RFC3: variants seen among roughly 807,000 people sequenced by gnomAD.
The protein encoded by RFC3 is A1 38 kDa subunit.
RFC3 carries 41 observed loss-of-function variants against 45.1 expected under a neutral mutation model. The ratio of observed to expected loss-of-function variants is 0.91; its 90% confidence interval spans 0.71 to 1.18. The LOEUF is 1.18. RFC3 is among the 50% of genes most tolerant of loss of function. The pLI, the probability that RFC3 is intolerant of heterozygous loss-of-function variation, is 0.00. For synonymous variants in RFC3, 149 were observed against 144.0 expected (o/e 1.03, Z -0.25); for missense variants, 423 against 428.1 (o/e 0.99, Z 0.10).
In RFC3 at chr13:33,925,712, T is replaced by C. The variant is rs553508698; in HGVS notation, c.880-40375T>C. Among the ~76,000 whole-genome samples the C allele has an allele frequency of 7.6e-5, 11 of 143,902 alleles. No individual in the cohort carries two copies. In the Middle Eastern group the frequency reaches 0.018, roughly 230 times the overall value. The allele number at this position is 143,902 out of a possible 152,430, so 94.4% of individuals were successfully genotyped here. On this transcript the variant is annotated intron_variant, in intron 8 of 8. Transcript: ENST00000434425. ...ATATACACACACACACACACACATATACATATATATTTATGTATGTCAGTA... is the reference window on the plus strand; with the variant it reads ...ATATACACACACACACACACACATACACATATATATTTATGTATGTCAGTA...
At chr13:33,861,539 G>C (rs2137537002) in intron 8 of RFC3, among the ~76,000 whole-genome samples, 1 of 152,150 alleles carries the variant, frequency 6.6e-6, no homozygotes, top group East Asian at 1.9e-4. Context: ...CAGCTATTCA[G>C]GAGGCTGAGG....
At chr13:33,851,253 A>G (rs994089139) in intron 8 of RFC3, among the ~76,000 whole-genome samples, 1 of 152,176 alleles carries the variant, frequency 6.6e-6, no homozygotes, top group Non-Finnish European at 1.5e-5. Flanking sequence ...CTTTACAAAG[A>G]TTGGATTCCT....
chr13:33,876,141 C>T (rs1165714334), intron 8 of RFC3, among the ~76,000 whole-genome samples: 2 of 152,154 alleles, frequency 1.3e-5, no homozygotes, highest in African/African-American at 2.4e-5. Context: ...AGTTCCCACT[C>T]CTACCACCAT....
chr13:33,952,421 G>A (rs373592473), intron 8 of RFC3, among the ~76,000 whole-genome samples: 1 of 115,056 alleles, frequency 8.7e-6, no homozygotes, highest in Non-Finnish European at 1.8e-5. Flanking sequence ...TCTGAAATAG[G>A]AATTTTTGGA....
intron 8 of RFC3, among the ~76,000 whole-genome samples, chr13:33,895,096 A>G (rs1041123209): frequency 6.6e-6 from 1 of 152,180 alleles, no homozygotes; most frequent in African/African-American, 2.4e-5. Context: ...TGGCCTAGGC[A>G]AATGATTCAT....
chr13:33,883,901 T>C (rs1477012296), intron 8 of RFC3, among the ~76,000 whole-genome samples: 6 of 152,220 alleles, frequency 3.9e-5, no homozygotes, highest in African/African-American at 9.6e-5. Context: ...CGTTTACGTA[T>C]GTAACAAACC....
At chr13:33,900,599 A>G (rs1290366786) in intron 8 of RFC3, among the ~76,000 whole-genome samples, 1 of 151,970 alleles carries the variant, frequency 6.6e-6, no homozygotes, top group Non-Finnish European at 1.5e-5. Context: ...AACTCTGGGG[A>G]AACACTCTAA....
chr13:33,947,203 T>A (rs1213322303), intron 8 of RFC3, among the ~76,000 whole-genome samples: 2 of 151,966 alleles, frequency 1.3e-5, no homozygotes, highest in African/African-American at 4.8e-5. Flanking sequence ...CAGGTGGAGG[T>A]AATTGGACCA....
intron 4 of RFC3, 43 bp from the exon 5 acceptor site, chr13:33,829,793 A>C (rs1248495897): frequency 6.7e-7 from 1 of 1,484,102 alleles, no homozygotes; most frequent in Admixed American, 1.7e-5. Flanking sequence ...TTAAAGTTTG[A>C]GTGAACTCAA....
intron 8 of RFC3, among the ~76,000 whole-genome samples, chr13:33,927,797 C>G (rs899115717): frequency 6.6e-6 from 1 of 152,072 alleles, no homozygotes; most frequent in Non-Finnish European, 1.5e-5. Flanking sequence ...GTGGTCCTGC[C>G]TGGAACAAAG....
At chr13:33,828,293 A>G (rs1354955919) in intron 4 of RFC3, among the ~76,000 whole-genome samples, 3 of 151,758 alleles carry the variant, frequency 2.0e-5, no homozygotes, top group Non-Finnish European at 2.9e-5. Context: ...ATTTCTTCTC[A>G]TTGTGGAGCA....
intron 8 of RFC3, among the ~76,000 whole-genome samples, chr13:33,862,367 A>G (rs1049609927): frequency 2.6e-5 from 4 of 151,254 alleles, no homozygotes; most frequent in Non-Finnish European, 5.9e-5. Context: ...AATATATTTA[A>G]CAGTTATTTT....
At chr13:33,832,875 G>C (rs1303651575) in intron 7 of RFC3, among the ~76,000 whole-genome samples, 2 of 152,136 alleles carry the variant, frequency 1.3e-5, no homozygotes, top group Non-Finnish European at 2.9e-5. Context: ...GGTACTTGAG[G>C]TTGTAATGTT....
At chr13:33,967,178 T>TA (rs919871638), downstream of RFC3, among the ~76,000 whole-genome samples, 1 of 151,578 alleles carries the variant, frequency 6.6e-6, no homozygotes, top group Non-Finnish European at 1.5e-5. Flanking sequence ...AAAAAAAATT[T>TA]AAAAAAAGGG....
At position 33,883,005 on chromosome 13, in the gene RFC3, C is replaced by G. The variant is rs533517154; in HGVS notation, c.879+47788C>G. ...GGATGTTCCAGTTTGTTTACACATT[C>G]ATGCTCTCAAGGATGTACATGTGAG... is the stretch of plus-strand genomic sequence containing the variant. On this transcript the variant is annotated intron_variant, in intron 8 of 8. Transcript: ENST00000434425. Among the ~76,000 whole-genome samples the G allele has an allele frequency of 2.6e-5, 4 of 152,314 alleles. No individual in the cohort carries two copies. In the East Asian group the frequency reaches 5.8e-4, roughly 22 times the overall value.
chr13:33,925,515 GTGTACTATATACATACATACA>G (rs2082803789), intron 8 of RFC3, among the ~76,000 whole-genome samples: 1 of 141,844 alleles, frequency 7.1e-6, no homozygotes, highest in East Asian at 2.1e-4. Flanking sequence ...TACATACATA[GTGTACTATATACATACATACA>G]TAGTGTACTA....
chr13:33,844,391 G>C (rs1365065493), intron 8 of RFC3, among the ~76,000 whole-genome samples: 1 of 152,118 alleles, frequency 6.6e-6, no homozygotes, highest in Non-Finnish European at 1.5e-5. Context: ...AGTTTCTGCT[G>C]TTCTTCTCTC....
intron 8 of RFC3, among the ~76,000 whole-genome samples, chr13:33,854,554 G>T (rs2082297003): frequency 6.6e-6 from 1 of 152,142 alleles, no homozygotes; most frequent in African/African-American, 2.4e-5. Flanking sequence ...GAATGAAGAA[G>T]TCTTTCCTAG....
chr13:33,899,225 A>AAAAAAAAC (rs2082622937), intron 8 of RFC3, among the ~76,000 whole-genome samples: 1 of 145,986 alleles, frequency 6.8e-6, no homozygotes, highest in Non-Finnish European at 1.5e-5. Flanking sequence ...AAAAAAAAAA[A>AAAAAAAAC]AAAAGAACAA....
Sources: allele counts gnomAD v4.1 joint callset (sites outside exome capture counted in the v4.1 genomes callset), GRCh38; gene constraint gnomAD v4.1.1; transcripts MANE v1.5; gene names NCBI Gene and HGNC (gene_info 2026-07-23, HGNC 2026-07-21).